DPP6: variants seen among roughly 807,000 people sequenced by gnomAD.
DPP6 encodes dipeptidyl peptidase like 6.
A neutral mutation model predicts 122.6 loss-of-function variants in DPP6; 69 were observed. The ratio of observed to expected loss-of-function variants is 0.56; its 90% CI spans 0.46 to 0.69. DPP6 has a LOEUF of 0.69. Ranked by LOEUF, DPP6 falls within the 30% of genes least tolerant of loss-of-function variation. DPP6 has a pLI of 0.00. For missense variants in DPP6, 928 were observed against 1,116.9 expected (o/e 0.83, Z 2.41); for synonymous variants, 418 against 433.1 (o/e 0.97, Z 0.43).
rs146439433 is a variant in DPP6 at position 154,295,944 on chromosome 7, C to CT, written c.244-150252dup. Among the ~76,000 whole-genome samples the CT allele has an allele frequency of 2.5e-3, 277 of 112,784 alleles. 4 individuals carry two copies. The highest frequency in any genetic ancestry group is 4.1e-3 in the South Asian group (14 of 3,432). 74.0% of individuals were successfully genotyped at this position (112,784 alleles called of 152,430 possible). ...TCTGTGTATGCATAAACAGTTGCTT[C>CT]TTTTTTTTTTTTTTTTTTGAGACAG... On this transcript the variant is annotated intron_variant, in intron 1 of 25. Coordinates refer to ENST00000377770, the MANE Select transcript of DPP6 (RefSeq NM_130797.4).
chr7:154,681,321 C>G (rs1839266677), intron 7 of DPP6, among the ~76,000 whole-genome samples: 1 of 152,160 alleles, frequency 6.6e-6, no homozygotes, highest in South Asian at 2.1e-4. Context: ...CCACATCAGC[C>G]TCGGCAATAT....
chr7:154,476,325 G>T (rs922708831), intron 3 of DPP6, among the ~76,000 whole-genome samples: 5 of 152,214 alleles, frequency 3.3e-5, no homozygotes, highest in African/African-American at 4.8e-5. Context: ...ACAGCACAGA[G>T]GTCTTTTTGT....
chr7:153,800,814 G>GCC, the DPP6 span, among the ~76,000 whole-genome samples: 3 of 152,172 alleles, frequency 2.0e-5, no homozygotes, highest in African/African-American at 7.2e-5. Context: ...ACAGCACCCA[G>GCC]CCCAGTTAAC....
intron 1 of DPP6, among the ~76,000 whole-genome samples, chr7:154,110,260 C>A (rs1806476287): frequency 6.6e-6 from 1 of 152,028 alleles, no homozygotes; most frequent in African/African-American, 2.4e-5. Context: ...TTCCATCCAA[C>A]TAAAAATTGT....
rs527478553 is a variant in DPP6 at position 154,585,885 on chromosome 7, G to A, written c.627+18969G>A. Among the ~76,000 whole-genome samples the A allele has an allele frequency of 2.6e-5, 4 of 152,318 alleles. No homozygotes were observed. The South Asian group carries it at 8.3e-4, about 32-fold the overall frequency. ...GGGGCTTTGGGGCGGGAGCCTACAG[G>A]AAGCTGGAGGCAGGGCACTGGGGAC... On this transcript the variant is annotated intron_variant, in intron 5 of 25. Transcript: ENST00000377770.
chr7:154,854,448 G>A (rs1802654959), intron 17 of DPP6, among the ~76,000 whole-genome samples: 1 of 152,222 alleles, frequency 6.6e-6, no homozygotes. Flanking sequence ...GCATCAGTGG[G>A]AGGCGATTTT....
At chr7:154,565,536 T>C (rs1323714654) in intron 4 of DPP6, among the ~76,000 whole-genome samples, 1 of 152,156 alleles carries the variant, frequency 6.6e-6, no homozygotes, top group Admixed American at 6.5e-5. Context: ...ACTTTTTTTT[T>C]CTTTTGGAGA....
intron 16 of DPP6, among the ~76,000 whole-genome samples, chr7:154,810,111 C>A (rs898067971): frequency 6.6e-6 from 1 of 152,176 alleles, no homozygotes; most frequent in Non-Finnish European, 1.5e-5. Flanking sequence ...CTGCCTTGGC[C>A]TCCCAAAGTG....
intron 1 of DPP6, among the ~76,000 whole-genome samples, chr7:154,371,359 A>ACTC (rs1210581450): frequency 8.3e-5 from 11 of 131,896 alleles, no homozygotes; most frequent in Admixed American, 2.4e-4. Context: ...AGCCTGGGAG[A>ACTC]CAGAGTGAAA....
chr7:154,707,801 G>T (rs1456174177), intron 7 of DPP6, among the ~76,000 whole-genome samples: 1 of 152,190 alleles, frequency 6.6e-6, no homozygotes, highest in Non-Finnish European at 1.5e-5. Context: ...AGAAGGTAAA[G>T]GAGAAATGAA....
intron 1 of DPP6, among the ~76,000 whole-genome samples, chr7:153,960,701 G>GAA (rs1173966474): frequency 3.2e-5 from 4 of 124,292 alleles, no homozygotes; most frequent in African/African-American, 1.3e-4. Flanking sequence ...GCATGTGTGT[G>GAA]TGAATGTGTG....
chr7:154,762,927 T>C (rs977356381), intron 8 of DPP6, among the ~76,000 whole-genome samples: 8 of 152,110 alleles, frequency 5.3e-5, no homozygotes, highest in Admixed American at 4.6e-4. Context: ...ACTAAGAAAA[T>C]CACCAAAGTG....
At chr7:154,044,920 T>G (rs1321903788) in intron 1 of DPP6, among the ~76,000 whole-genome samples, 1 of 152,218 alleles carries the variant, frequency 6.6e-6, no homozygotes, top group African/African-American at 2.4e-5. Context: ...TCTTTGCAGT[T>G]CTGCAGAGTT....
intron 1 of DPP6, among the ~76,000 whole-genome samples, chr7:154,439,073 T>C (rs1439044223): frequency 6.6e-6 from 1 of 152,222 alleles, no homozygotes; most frequent in African/African-American, 2.4e-5. Context: ...CCAATTACTT[T>C]AGTCTCTGCC....
At chr7:154,109,905 C>T (rs1340832895) in intron 1 of DPP6, among the ~76,000 whole-genome samples, 1 of 142,338 alleles carries the variant, frequency 7.0e-6, no homozygotes, top group Non-Finnish European at 1.5e-5. Context: ...GCAGTAGCCT[C>T]AGATACCTGC....
At chr7:154,344,015 C>T (rs1245388560) in intron 1 of DPP6, among the ~76,000 whole-genome samples, 1 of 152,022 alleles carries the variant, frequency 6.6e-6, no homozygotes, top group African/African-American at 2.4e-5. Context: ...CGTGCCCCAC[C>T]CTCTGCTTCA....
At chr7:154,010,837 G>A (rs1390617478) in intron 1 of DPP6, among the ~76,000 whole-genome samples, 1 of 152,136 alleles carries the variant, frequency 6.6e-6, no homozygotes, top group African/African-American at 2.4e-5. Flanking sequence ...GACTTGTGCC[G>A]AATTCCATTT....
At chr7:154,022,860 C>T (rs891364704) in intron 1 of DPP6, among the ~76,000 whole-genome samples, 4 of 152,230 alleles carry the variant, frequency 2.6e-5, no homozygotes, top group African/African-American at 9.6e-5. Context: ...GAGGTTGGAG[C>T]TTGTCTTCCT....
intron 8 of DPP6, among the ~76,000 whole-genome samples, chr7:154,746,100 T>C (rs559531556): frequency 7.2e-5 from 11 of 152,106 alleles, no homozygotes; most frequent in Non-Finnish European, 1.3e-4. Context: ...AAGTTCAGGG[T>C]ATACATGAGT....
Sources: allele counts gnomAD v4.1 joint callset (sites outside exome capture counted in the v4.1 genomes callset), GRCh38; gene constraint gnomAD v4.1.1; transcripts MANE v1.5; gene names NCBI Gene and HGNC (gene_info 2026-07-23, HGNC 2026-07-21).